The following CRPPA variants were observed in gnomAD, a reference collection of about 807,000 sequenced individuals.
CRPPA encodes CDP-L-ribitol pyrophosphorylase A.
Under a neutral mutation model 52.0 loss-of-function variants are expected in CRPPA, and 43 were observed. The observed-to-expected ratio is 0.83, with a 90% CI of 0.65 to 1.07. The LOEUF is 1.07. CRPPA is among the 50% of genes least tolerant of loss of function. The pLI is 0.00. For synonymous variants in CRPPA, 250 were observed against 203.5 expected (o/e 1.23, Z -1.94); for missense variants, 629 against 551.7 (o/e 1.14, Z -1.40).
intron 9 of CRPPA, among the ~76,000 whole-genome samples, chr7:16,190,355 G>C (rs1781582758): frequency 6.6e-6 from 1 of 152,174 alleles, no homozygotes; most frequent in Non-Finnish European, 1.5e-5. Context: ...CAAAAATTGA[G>C]ACTTGAAGCT....
intron 5 of CRPPA, among the ~76,000 whole-genome samples, chr7:16,286,905 T>C (rs1784463148): frequency 6.6e-6 from 1 of 152,162 alleles, no homozygotes. Flanking sequence ...CTATATGTAA[T>C]ACAACCCTTG....
rs76515675 is a variant in CRPPA, at chr7:16,286,943, C to A, written c.836-8717G>T. 3.0e-3 allele frequency among the ~76,000 whole-genome samples: 453 copies of A among 152,214 alleles called. 4 individuals are homozygous for A. Among genetic ancestry groups the A allele is most frequent in the African/African-American group, 0.011 (438 of 41,544 alleles). ...AGTTTATTCAGAGCTGATATCTATGCATTATGCACCAAAAGAGCCATACCA... is the reference window on the plus strand; with the variant it reads ...AGTTTATTCAGAGCTGATATCTATGAATTATGCACCAAAAGAGCCATACCA... On this transcript the variant is annotated intron_variant, in intron 5 of 9. Coordinates refer to ENST00000407010, the MANE Select transcript of CRPPA (RefSeq NM_001101426.4).
chr7:16,125,888 TAC>T (rs3083131), intron 9 of CRPPA, among the ~76,000 whole-genome samples: 4,777 of 134,108 alleles, frequency 0.036, 160 homozygotes, highest in African/African-American at 0.084. Flanking sequence ...GAAGCTTGCC[TAC>T]ACACACACAC....
chr7:16,222,351 G>A (rs981250111), intron 8 of CRPPA, among the ~76,000 whole-genome samples: 1 of 146,630 alleles, frequency 6.8e-6, no homozygotes, highest in Non-Finnish European at 1.5e-5. Flanking sequence ...GCTAGATGAC[G>A]AGTTAGTGGG....
At chr7:16,197,701 A>G (rs1450061105) in intron 9 of CRPPA, among the ~76,000 whole-genome samples, 1 of 150,594 alleles carries the variant, frequency 6.6e-6, no homozygotes, top group African/African-American at 2.5e-5. Context: ...GACTCCATCC[A>G]AATCTCTGCA....
chr7:16,137,496 C>G (rs1022332445), intron 9 of CRPPA, among the ~76,000 whole-genome samples: 1 of 151,998 alleles, frequency 6.6e-6, no homozygotes, highest in Non-Finnish European at 1.5e-5. Flanking sequence ...AAAAAATGGG[C>G]TCATGTATTA....
intron 8 of CRPPA, among the ~76,000 whole-genome samples, chr7:16,238,726 A>T (rs1783018884): frequency 6.6e-6 from 1 of 152,246 alleles, no homozygotes; most frequent in South Asian, 2.1e-4. Context: ...CATGTTTAAC[A>T]TGACTGTTAA....
intron 2 of CRPPA, among the ~76,000 whole-genome samples, chr7:16,398,389 GA>G (rs1787677942): frequency 6.6e-6 from 1 of 151,894 alleles, no homozygotes; most frequent in Non-Finnish European, 1.5e-5. Context: ...ATTGACATGT[GA>G]CTGACACGTG....
chr7:16,285,241 A>T (rs1348447667), intron 5 of CRPPA, among the ~76,000 whole-genome samples: 1 of 152,184 alleles, frequency 6.6e-6, no homozygotes, highest in African/African-American at 2.4e-5. Context: ...TACAACCCAG[A>T]ATTGTACAAA....
intron 2 of CRPPA, among the ~76,000 whole-genome samples, chr7:16,397,090 C>G (rs1253501864): frequency 6.6e-6 from 1 of 152,176 alleles, no homozygotes; most frequent in Non-Finnish European, 1.5e-5. Flanking sequence ...ACATGGAAGA[C>G]ACACGTGTGA....
intron 9 of CRPPA, 130 bp from the exon 10 acceptor site, chr7:16,091,929 C>G: frequency 2.0e-6 from 1 of 501,704 alleles, no homozygotes; most frequent in East Asian, 3.4e-5. Flanking sequence ...ACTCTAGCCA[C>G]TGTCATGGAC....
At chr7:16,166,855 C>T (rs899085313) in intron 9 of CRPPA, among the ~76,000 whole-genome samples, 1 of 152,056 alleles carries the variant, frequency 6.6e-6, no homozygotes, top group Non-Finnish European at 1.5e-5. Flanking sequence ...TTCTTGCTTT[C>T]TTCCTACATA....
At chr7:16,332,016 AC>A (rs948490686) in intron 3 of CRPPA, among the ~76,000 whole-genome samples, 1 of 152,210 alleles carries the variant, frequency 6.6e-6, no homozygotes, top group African/African-American at 2.4e-5. Context: ...TAAATGCCAA[AC>A]AATTCTACCT....
intron 3 of CRPPA, among the ~76,000 whole-genome samples, chr7:16,360,286 T>G (rs1224720647): frequency 6.6e-6 from 1 of 152,204 alleles, no homozygotes; most frequent in African/African-American, 2.4e-5. Flanking sequence ...TCAATTCTCA[T>G]AGTAACATTC....
chr7:16,408,649 A>C (rs755806700), intron 1 of CRPPA, among the ~76,000 whole-genome samples: 6 of 152,244 alleles, frequency 3.9e-5, no homozygotes, highest in Non-Finnish European at 8.8e-5. Context: ...ATAATAATGA[A>C]CCCAGAAAGA....
intron 4 of CRPPA, among the ~76,000 whole-genome samples, chr7:16,303,868 C>T (rs1164020467): frequency 6.6e-6 from 1 of 152,098 alleles, no homozygotes; most frequent in Non-Finnish European, 1.5e-5. Context: ...CAAAAGGAAT[C>T]CTCAAAAGTC....
chr7:16,282,376 A>C, intron 5 of CRPPA, among the ~76,000 whole-genome samples: 1 of 152,102 alleles, frequency 6.6e-6, no homozygotes, highest in East Asian at 1.9e-4. Flanking sequence ...TGTTTTTATT[A>C]GAATGCTGTG....
intron 9 of CRPPA, among the ~76,000 whole-genome samples, chr7:16,146,599 A>G (rs768202711): frequency 1.1e-4 from 17 of 152,186 alleles, no homozygotes; most frequent in Non-Finnish European, 2.2e-4. Flanking sequence ...TATATAAAAG[A>G]TATAAACTGT....
intron 9 of CRPPA, among the ~76,000 whole-genome samples, chr7:16,212,469 T>C (rs1243424937): frequency 6.6e-6 from 1 of 152,216 alleles, no homozygotes; most frequent in Non-Finnish European, 1.5e-5. Flanking sequence ...TCTTCCACTG[T>C]ACTTTGATCA....
Sources: allele counts gnomAD v4.1 joint callset (sites outside exome capture counted in the v4.1 genomes callset), GRCh38; gene constraint gnomAD v4.1.1; transcripts MANE v1.5; gene names NCBI Gene and HGNC (gene_info 2026-07-23, HGNC 2026-07-21).